TMCO4: variants seen among roughly 807,000 people sequenced by gnomAD.
TMCO4 encodes the protein transmembrane and coiled-coil domains 4.
TMCO4 carries 58 observed loss-of-function variants against 64.7 expected under a neutral mutation model. The observed-to-expected ratio is 0.90, with a 90% CI of 0.73 to 1.12. The LOEUF is 1.12. TMCO4 is among the 50% of genes most tolerant of loss of function. The pLI, the probability that TMCO4 is intolerant of heterozygous loss-of-function variation, is 0.00. For missense variants in TMCO4, 780 were observed against 825.9 expected (o/e 0.94, Z 0.68); for synonymous variants, 325 against 346.1 (o/e 0.94, Z 0.68).
intron 13 of TMCO4, among the ~76,000 whole-genome samples, chr1:19,705,855 G>A (rs899532203): frequency 5.3e-5 from 8 of 151,946 alleles, no homozygotes; most frequent in African/African-American, 1.9e-4. Context: ...GAATAATTCA[G>A]CCTTCCAGGT....
chr1:19,759,822 CACAAGGGCAGCG>C (rs1269650096), intron 6 of TMCO4, among the ~76,000 whole-genome samples: 1 of 152,204 alleles, frequency 6.6e-6, no homozygotes, highest in Non-Finnish European at 1.5e-5. Flanking sequence ...ATGTCTGTCC[CACAAGGGCAGCG>C]ACATTTACTT....
rs796885981 is a variant in TMCO4 at position 19,785,372 on chromosome 1, CTTTTG to C, written c.-9+1649_-9+1653del. On this transcript the variant is annotated intron_variant, in intron 3 of 15. Transcript: ENST00000294543. ...TAAAATAATGTTTTTTTGTTTGTTT[CTTTTG>C]TTTTGTTTTGTTTTACTTATTTGTT... 4.5e-3 allele frequency among the ~76,000 whole-genome samples: 679 copies of C among 152,162 alleles called. 6 individuals carry two copies. Among genetic ancestry groups the C allele is most frequent in the African/African-American group, 0.016 (650 of 41,514 alleles).
intron 6 of TMCO4, among the ~76,000 whole-genome samples, chr1:19,766,000 C>T (rs547515300): frequency 1.8e-4 from 27 of 152,260 alleles, no homozygotes; most frequent in Admixed American, 5.9e-4. Context: ...AAAGAAGGGT[C>T]GCCCACCCAT....
chr1:19,717,577 C>A (rs765063305), intron 13 of TMCO4, among the ~76,000 whole-genome samples: 1 of 152,234 alleles, frequency 6.6e-6, no homozygotes, highest in Non-Finnish European at 1.5e-5. Flanking sequence ...AACTTCCTGG[C>A]AGAAACCTTG....
chr1:19,708,690 C>T (rs2095314779), intron 13 of TMCO4, among the ~76,000 whole-genome samples: 1 of 152,068 alleles, frequency 6.6e-6, no homozygotes. Context: ...GGCAAACCCT[C>T]ACAGAGCTTT....
chr1:19,701,895 G>A (rs933452516), intron 13 of TMCO4, among the ~76,000 whole-genome samples: 6 of 152,176 alleles, frequency 3.9e-5, no homozygotes, highest in Non-Finnish European at 8.8e-5. Context: ...AGCATTTTGG[G>A]AAGCCGAGGC....
chr1:19,718,098 T>G (rs547010131), intron 13 of TMCO4, among the ~76,000 whole-genome samples: 96 of 152,006 alleles, frequency 6.3e-4, no homozygotes, highest in Middle Eastern at 3.4e-3. Flanking sequence ...TTAGGGATGC[T>G]AAGGCAGGTG....
intron 2 of TMCO4, among the ~76,000 whole-genome samples, chr1:19,788,336 C>A (rs563041719): frequency 3.3e-5 from 5 of 152,182 alleles, no homozygotes; most frequent in Non-Finnish European, 7.4e-5. Context: ...GTATTTCCCC[C>A]AAATTTTCTG....
chr1:19,723,186 T>C (rs79568723), intron 13 of TMCO4, among the ~76,000 whole-genome samples: 10 of 152,186 alleles, frequency 6.6e-5, no homozygotes, highest in African/African-American at 2.2e-4. Context: ...TGGTTGAGCA[T>C]CCCAAATCCG....
rs151215034 is a variant in TMCO4 at position 19,746,085 on chromosome 1, G to T, written c.757+371C>A. Among the ~76,000 whole-genome samples the T allele has an allele frequency of 3.5e-3, 529 of 152,318 alleles. 2 individuals carry two copies. The highest frequency in any genetic ancestry group is 0.012 in the African/African-American group (502 of 41,564). Reference sequence around the variant, plus strand: ...CATGACGAGGTTGGAGGAGTGGGAGGGGGGCTGCTGCTGACAGATATCATT... The same window carrying T: ...CATGACGAGGTTGGAGGAGTGGGAGTGGGGCTGCTGCTGACAGATATCATT... On this transcript the variant is annotated intron_variant, in intron 9 of 15. Coordinates refer to ENST00000294543, the MANE Select transcript of TMCO4 (RefSeq NM_181719.7).
At chr1:19,779,367 G>A (rs1199050314) in intron 4 of TMCO4, among the ~76,000 whole-genome samples, 1 of 152,086 alleles carries the variant, frequency 6.6e-6, no homozygotes, top group Non-Finnish European at 1.5e-5. Flanking sequence ...TGTGTCCTCT[G>A]TCCACCACTC....
At position 19,743,604 on chromosome 1, in the gene TMCO4, CGGGGCAAACTGAACAAATA is replaced by C. The variant is rs1444552352; in HGVS notation, c.877+1909_877+1927del. On this transcript the variant is annotated intron_variant, in intron 10 of 15. Coordinates refer to ENST00000294543, the MANE Select transcript of TMCO4 (RefSeq NM_181719.7). The surrounding 1 kb of genome is among the most constrained non-coding windows in gnomAD (Gnocchi z 4.1). The stretch of plus-strand genomic sequence containing the variant: ...CCCCAAATGAACTTGACCTTTAACC[CGGGGCAAACTGAACAAATA>C]GGGGCAAACTGAACAAGTGGGGGCA... Among the ~76,000 whole-genome samples, 2 of 152,202 alleles carry C rather than the reference CGGGGCAAACTGAACAAATA, an allele frequency of 1.3e-5. No homozygotes were observed. Among genetic ancestry groups the C allele is most frequent in the South Asian group, 2.1e-4 (1 of 4,804 alleles).
At chr1:19,769,905 C>T (rs536032258) in intron 6 of TMCO4, among the ~76,000 whole-genome samples, 11 of 152,344 alleles carry the variant, frequency 7.2e-5, no homozygotes, top group East Asian at 1.9e-4. Flanking sequence ...GCAAAGCATA[C>T]GTGCCCTGGG....
chr1:19,718,058 C>T (rs559711017), intron 13 of TMCO4, among the ~76,000 whole-genome samples: 3 of 152,120 alleles, frequency 2.0e-5, no homozygotes, highest in African/African-American at 4.8e-5. Context: ...ATGGGCCAGG[C>T]GCAGTGACTC....
rs903756495 is a variant in TMCO4 at position 19,731,342 on chromosome 1, T to C, written c.1264+6030A>G. Reference sequence around the variant, plus strand: ...ACAGTTTCTAGGAAATTATCAATGCTCAGCGAGTACTTCTGGGTTCTTATT... The same window carrying C: ...ACAGTTTCTAGGAAATTATCAATGCCCAGCGAGTACTTCTGGGTTCTTATT... On this transcript the variant is annotated intron_variant, in intron 13 of 15. Coordinates refer to ENST00000294543, the MANE Select transcript of TMCO4 (RefSeq NM_181719.7). 2.0e-5 allele frequency among the ~76,000 whole-genome samples: 3 copies of C among 152,246 alleles called. No homozygotes were observed. The East Asian group carries it at 5.8e-4, about 29-fold the overall frequency.
intron 13 of TMCO4, among the ~76,000 whole-genome samples, chr1:19,714,477 C>T (rs1263422639): frequency 5.3e-5 from 8 of 152,108 alleles, no homozygotes; most frequent in East Asian, 1.9e-4. Flanking sequence ...TGGGCACTAA[C>T]GGTCTAATTC....
chr1:19,769,157 C>T (rs1434569054), intron 6 of TMCO4, among the ~76,000 whole-genome samples: 2 of 152,140 alleles, frequency 1.3e-5, no homozygotes, highest in East Asian at 3.9e-4. Flanking sequence ...GAGACAAACG[C>T]TAGGATTCCT....
At chr1:19,796,465 G>A (rs2044312377) in intron 2 of TMCO4, among the ~76,000 whole-genome samples, 1 of 152,162 alleles carries the variant, frequency 6.6e-6, no homozygotes, top group Non-Finnish European at 1.5e-5. Context: ...GAGAGTGGAT[G>A]AAGCCCAGGG....
intron 7 of TMCO4, among the ~76,000 whole-genome samples, chr1:19,750,633 C>T (rs2041986714): frequency 6.6e-6 from 1 of 152,210 alleles, no homozygotes; most frequent in Non-Finnish European, 1.5e-5. Flanking sequence ...CCCGATGTGA[C>T]ACTTACGCCC....
Sources: allele counts gnomAD v4.1 joint callset (sites outside exome capture counted in the v4.1 genomes callset), GRCh38; gene constraint gnomAD v4.1.1; non-coding constraint Gnocchi (gnomAD v3.1); transcripts MANE v1.5; gene names NCBI Gene and HGNC (gene_info 2026-07-23, HGNC 2026-07-21).